AEBP1: variants seen among roughly 807,000 people sequenced by gnomAD.
The protein encoded by AEBP1 is adipocyte enhancer-binding protein 1.
Under a neutral mutation model 116.5 loss-of-function variants are expected in AEBP1, and 69 were observed. That is an observed-to-expected ratio of 0.59 (90% CI 0.49 to 0.72). AEBP1 has a LOEUF of 0.72. Ranked by LOEUF, AEBP1 falls within the 30% of genes least tolerant of loss-of-function variation. The pLI, the probability that AEBP1 is intolerant of heterozygous loss-of-function variation, is 0.00. For missense variants in AEBP1, 1,444 were observed against 1,557.5 expected, an observed-to-expected ratio of 0.93 and a Z score of 1.23; for synonymous variants, 627 against 627.3, an observed-to-expected ratio of 1.00 and a Z score of 0.01.
chr7:44,109,926 C>T (rs758274091), intron 9 of AEBP1, 89 bp from the exon 10 acceptor site: 43 of 1,212,310 alleles, frequency 3.5e-5, no homozygotes, highest in African/African-American at 6.0e-5. Context: ...CCCGATGTGC[C>T]GGGAGTGGGC....
Position 44,107,632 on chromosome 7 carries a change from C to G in AEBP1, c.671C>G (p.Pro224Arg), listed in dbSNP as rs750288301. The G allele has an allele frequency of 9.3e-6, 15 of 1,613,552 alleles. No individual in the cohort carries two copies. In the Admixed American group the frequency reaches 1.3e-4, roughly 14 times the overall value. ...HVEAREHQPE[P>R]EEETEQPTLD... Reference sequence around the variant, plus strand: ...GCTACCAGCGCTTTCCCCTCAGAGCCGGAGGAGGAGACCGAGCAACCCACA... The same window carrying G: ...GCTACCAGCGCTTTCCCCTCAGAGCGGGAGGAGGAGACCGAGCAACCCACA... The change falls in exon 4 of 21, where the codon CCG (proline) becomes CGG (arginine). Residue 224 changes from proline to arginine, a missense_variant. By Grantham distance (103) the Pro-to-Arg change is moderately radical. Coordinates refer to ENST00000223357, the MANE Select transcript of AEBP1 (RefSeq NM_001129.5). The surrounding 1 kb of genome is among the most constrained non-coding windows in gnomAD (Gnocchi z 4.3).
Position 44,107,221 on chromosome 7 carries a change from A to G in AEBP1, c.596-218A>G, listed in dbSNP as rs1192227555. On this transcript the variant is annotated intron_variant, in intron 2 of 20. Transcript: ENST00000223357. The surrounding 1 kb of genome is among the most constrained non-coding windows in gnomAD (Gnocchi z 4.3). ...TTTGTGGTAGGGCCTCCAGCAGCAC[A>G]GTAGGTTCCCCAGAAGGTGGGCCCA... Among the ~76,000 whole-genome samples the G allele has an allele frequency of 6.6e-6, 1 of 152,170 alleles. No individual in the cohort carries two copies. The highest frequency in any genetic ancestry group is 1.5e-5 in the Non-Finnish European group (1 of 68,014).
chr7:44,111,055 C>G lies in AEBP1; in HGVS notation c.1628C>G (p.Ala543Gly). The G allele has an allele frequency of 6.2e-7, 1 of 1,607,884 alleles. No homozygotes were observed. Among genetic ancestry groups the G allele is most frequent in the Non-Finnish European group, 8.5e-7 (1 of 1,176,040 alleles). Residue 543 changes from alanine to glycine, a missense_variant and splice_region_variant, in exon 13 of 21, where the codon GCC (alanine) becomes GGC (glycine). By Grantham distance (60) the Ala-to-Gly change is moderately conservative (BLOSUM62 0). Coordinates refer to ENST00000223357, the MANE Select transcript of AEBP1 (RefSeq NM_001129.5). The surrounding 1 kb of genome is among the most constrained non-coding windows in gnomAD (Gnocchi z 4.7). ...CTGGAGGTGCTGGGGTGCTCTGTGG[C>G]CCGTGAGTGTGGAGGGCTGGCAGGG... is the stretch of plus-strand genomic sequence containing the variant. Reference protein sequence around the residue: ...MRLEVLGCSVAPVYSYYAQNE... With the variant: ...MRLEVLGCSVGPVYSYYAQNE...
At chr7:44,109,920 A>T in intron 9 of AEBP1, 95 bp from the exon 10 acceptor site, 1 of 1,130,516 alleles carries the variant, frequency 8.8e-7, no homozygotes, top group Non-Finnish European at 1.3e-6. Context: ...TGTGCCCCCG[A>T]TGTGCCGGGA....
In AEBP1 at chr7:44,108,326, G is replaced by A. The variant is rs1488610633; in HGVS notation, c.940+242G>A. On this transcript the variant is annotated intron_variant, in intron 6 of 20. Coordinates refer to ENST00000223357, the MANE Select transcript of AEBP1 (RefSeq NM_001129.5). This position sits in a 1 kb window ranked among gnomAD's most constrained non-coding sequence, Gnocchi z 5.0. ...CTGCTTGGCTGTGACCCCCACAGGGGTGTCCCTAGGCACACACTCTGCCCT... is the reference window on the plus strand; with the variant it reads ...CTGCTTGGCTGTGACCCCCACAGGGATGTCCCTAGGCACACACTCTGCCCT... 1.3e-5 allele frequency among the ~76,000 whole-genome samples: 2 copies of A among 152,076 alleles called. No individual in the cohort carries two copies. Among genetic ancestry groups the A allele is most frequent in the African/African-American group, 2.4e-5 (1 of 41,404 alleles).
rs1354991343 is a variant in AEBP1, at chr7:44,113,913, C to A, written c.3129C>A (p.Thr1043=). 6.2e-7 allele frequency: 1 copy of A among 1,613,626 alleles called. No individual in the cohort carries two copies. Among genetic ancestry groups the A allele is most frequent in the Non-Finnish European group, 8.5e-7 (1 of 1,180,008 alleles). ...TGCGGCGCCTCAACGCCACCACCACCCTAGGCCCCCACACTGTGCCTCCCA... is the reference window on the plus strand; with the variant it reads ...TGCGGCGCCTCAACGCCACCACCACACTAGGCCCCCACACTGTGCCTCCCA... ...MRLRRLNATT[T]LGPHTVPPTL... The change falls in exon 21 of 21, where the codon ACC becomes ACA. Residue 1043 remains threonine (T), a synonymous_variant. Coordinates refer to ENST00000223357, the MANE Select transcript of AEBP1 (RefSeq NM_001129.5). This position sits in a 1 kb window ranked among gnomAD's most constrained non-coding sequence, Gnocchi z 5.3.
In AEBP1 at chr7:44,106,887, G is replaced by A. The variant is rs1199252402; in HGVS notation, c.595G>A (p.Gly199Arg). Residue 199 changes from glycine (G) to arginine (R), a missense_variant and splice_region_variant, in exon 2 of 21, where the codon GGG becomes AGG. Coordinates refer to ENST00000223357, the MANE Select transcript of AEBP1 (RefSeq NM_001129.5). ...PGPEELPQEG[G>R]APLSNNWQNP... Reference sequence around the variant, plus strand: ...CCCCGAGGAGCTACCCCAGGAGGGAGGTTTGTGCCGGGCTCCTCTGGGGTG... The same window carrying A: ...CCCCGAGGAGCTACCCCAGGAGGGAAGTTTGTGCCGGGCTCCTCTGGGGTG... The A allele has an allele frequency of 1.3e-6, 2 of 1,554,680 alleles. No individual in the cohort carries two copies.
chr7:44,108,901 G>T lies in AEBP1; in HGVS notation c.943G>T (p.Asp315Tyr). Residue 315 changes from aspartate (D) to tyrosine (Y), a missense_variant and splice_region_variant, in exon 7 of 21, where the codon GAC becomes TAC. Coordinates refer to ENST00000223357, the MANE Select transcript of AEBP1 (RefSeq NM_001129.5). This position sits in a 1 kb window ranked among gnomAD's most constrained non-coding sequence, Gnocchi z 5.0. ...GYVIPNYDDM[D>Y]YYFGPPPPQK... Reference sequence around the variant, plus strand: ...CAGCTGGCTCTCCCTCCCCATAGTGGACTATTACTTTGGGCCTCCTCCGCC... The same window carrying T: ...CAGCTGGCTCTCCCTCCCCATAGTGTACTATTACTTTGGGCCTCCTCCGCC... 6.3e-7 allele frequency: 1 copy of T among 1,578,344 alleles called. No homozygotes were observed. Among genetic ancestry groups the T allele is most frequent in the South Asian group, 1.2e-5 (1 of 86,356 alleles).
chr7:44,109,940 G>A, intron 9 of AEBP1, 75 bp from the exon 10 acceptor site: 1 of 1,370,210 alleles, frequency 7.3e-7, no homozygotes, highest in East Asian at 2.5e-5. Context: ...AGTGGGCTCT[G>A]GGCTCCTTGG....
chr7:44,114,181 A>AAG lies in AEBP1; in HGVS notation c.3398_3399insGA (p.Glu1134LysfsTer5). On this transcript the variant is annotated frameshift_variant, in exon 21 of 21. Transcript: ENST00000223357. LOFTEE classifies it low-confidence loss of function (END_TRUNC). Reference sequence around the variant, plus strand: ...GTTTGAGGAAGAGGAGGAGGAGGAGAAAGAGGAGGAGATAGCCACTGGCCA... The same window carrying AAG: ...GTTTGAGGAAGAGGAGGAGGAGGAGAAGAAGAGGAGGAGATAGCCACTGGCCA... 1 of 1,607,746 alleles carries AAG rather than the reference A, an allele frequency of 6.2e-7. No individual in the cohort carries two copies. The highest frequency in any genetic ancestry group is 8.5e-7 in the Non-Finnish European group (1 of 1,174,808).
chr7:44,106,952 G>A (rs2096223591), intron 2 of AEBP1, 65 bp downstream of exon 2: 1 of 1,293,968 alleles, frequency 7.7e-7, no homozygotes, highest in East Asian at 2.5e-5. Context: ...GGCAGGGAGT[G>A]GGAGGCAGGT....
At chr7:44,110,490 C>T in intron 11 of AEBP1, 144 bp downstream of exon 11, 24 of 1,275,934 alleles carry the variant, frequency 1.9e-5, no homozygotes, top group Non-Finnish European at 2.6e-5. Flanking sequence ...TCACCCTGCC[C>T]ATCCCCACTC....
Position 44,108,973 on chromosome 7 carries a change from C to G in AEBP1, c.1015C>G (p.Leu339Val). 3 of 1,605,190 alleles carry G rather than the reference C, an allele frequency of 1.9e-6. No homozygotes were observed. Among genetic ancestry groups the G allele is most frequent in the Non-Finnish European group, 2.5e-6 (3 of 1,176,480 alleles). ...CCAGACAGACGAAGAGAAGGAGGAG[C>G]TGAGTGAGTGGGACCAAGGACTTCC... is the stretch of plus-strand genomic sequence containing the variant. Reference protein sequence around the residue: ...ERQTDEEKEELKKPKKEDSSP... With the variant: ...ERQTDEEKEEVKKPKKEDSSP... The change falls in exon 7 of 21, where the codon CTG (leucine) becomes GTG (valine). Residue 339 changes from leucine to valine, a missense_variant. By Grantham distance (32) the Leu-to-Val change is conservative. Transcript: ENST00000223357. This position sits in a 1 kb window ranked among gnomAD's most constrained non-coding sequence, Gnocchi z 5.0.
chr7:44,112,865 G>A lies in AEBP1; in HGVS notation c.2525G>A (p.Gly842Asp). The change falls in exon 18 of 21, where the codon GGC becomes GAC. Residue 842 changes from glycine (G) to aspartate (D), a missense_variant. Physicochemically the swap from Gly to Asp is moderately conservative, Grantham distance 94. Coordinates refer to ENST00000223357, the MANE Select transcript of AEBP1 (RefSeq NM_001129.5). The surrounding 1 kb of genome is among the most constrained non-coding windows in gnomAD (Gnocchi z 6.6). ...GGCQAQDYTG[G>D]MGIVNGAKWN... ...TGCCAAGCCCAGGACTACACCGGCG[G>A]CATGGGCATCGTCAACGGGGCCAAG... 1 of 1,612,224 alleles carries A rather than the reference G, an allele frequency of 6.2e-7. No homozygotes were observed. Among genetic ancestry groups the A allele is most frequent in the South Asian group, 1.1e-5 (1 of 91,062 alleles).
At position 44,112,705 on chromosome 7, in the gene AEBP1, A is replaced by G. The variant is rs765434647; in HGVS notation, c.2365A>G (p.Met789Val). Residue 789 changes from methionine to valine, a missense_variant, in exon 18 of 21, where the codon ATG (methionine) becomes GTG (valine). By Grantham distance (21) the Met-to-Val change is conservative. Transcript: ENST00000223357. The surrounding 1 kb of genome is among the most constrained non-coding windows in gnomAD (Gnocchi z 6.6). ...CCAGGAGCAGCTGCTGGCCGCAGCC[A>G]TGGCAGCAGCCCGGGGGGAGGATGA... The part of the protein sequence containing the change: ...PTQEQLLAAA[M>V]AAARGEDEDE... 6.2e-7 allele frequency: 1 copy of G among 1,613,268 alleles called. No individual in the cohort carries two copies. The highest frequency in any genetic ancestry group is 8.5e-7 in the Non-Finnish European group (1 of 1,179,954).
Position 44,109,153 on chromosome 7 carries a change from G to A in AEBP1, c.1065G>A (p.Lys355=), listed in dbSNP as rs1190126386. Residue 355 remains lysine, a synonymous_variant, in exon 8 of 21, where the codon AAG becomes AAA. Transcript: ENST00000223357. ...GCAGCCCCAAGGAGGAGACCGACAAGTGGGCAGTGGAGAAGGGCAAGGACC... is the reference window on the plus strand; with the variant it reads ...GCAGCCCCAAGGAGGAGACCGACAAATGGGCAGTGGAGAAGGGCAAGGACC... The part of the protein sequence containing the change: ...EDSSPKEETD[K]WAVEKGKDHK... The A allele has an allele frequency of 1.2e-6, 2 of 1,613,698 alleles. No homozygotes were observed. Among genetic ancestry groups the A allele is most frequent in the Non-Finnish European group, 1.7e-6 (2 of 1,180,028 alleles).
In AEBP1 at chr7:44,104,719, C is replaced by T. The variant is rs2096221110; in HGVS notation, c.54C>T (p.Ala18=). ...TCAGCTGCCTCCTGGCGTTGCTGGC[C>T]CTGTGCCCTGGAGGGCGCCCGCAGA... is the stretch of plus-strand genomic sequence containing the variant. ...PLLSCLLALL[A]LCPGGRPQTV... Residue 18 remains alanine, a synonymous_variant, in exon 1 of 21, where the codon GCC becomes GCT. Coordinates refer to ENST00000223357, the MANE Select transcript of AEBP1 (RefSeq NM_001129.5). 3.7e-6 allele frequency: 6 copies of T among 1,610,016 alleles called. No individual in the cohort carries two copies. In the Admixed American group the frequency reaches 6.7e-5, roughly 18 times the overall value.
chr7:44,106,394 C>T (rs1283271676), intron 1 of AEBP1, 152 bp from the exon 2 acceptor site: 1 of 916,866 alleles, frequency 1.1e-6, no homozygotes, highest in Non-Finnish European at 1.7e-6. Context: ...CCCAGTTTGC[C>T]ACTTGGGCAA....
chr7:44,110,421 G>A, intron 11 of AEBP1, 75 bp downstream of exon 11: 8 of 1,596,834 alleles, frequency 5.0e-6, no homozygotes, highest in East Asian at 2.2e-5. Context: ...CCATTAAGGA[G>A]ATTCCAGTGG....
Sources: gnomAD v4.1 joint callset for allele counts (sites outside exome capture counted in the v4.1 genomes callset) on GRCh38, gnomAD v4.1.1 for gene constraint, Gnocchi (gnomAD v3.1) non-coding constraint, MANE v1.5 for transcripts, NCBI Gene and HGNC (gene_info 2026-07-23, HGNC 2026-07-21) for gene names.